ZNF536: variants seen among roughly 807,000 people sequenced by gnomAD.
The protein encoded by ZNF536 is zinc finger protein 536.
ZNF536 carries 13 observed loss-of-function variants against 84.5 expected under a neutral mutation model. The observed-to-expected ratio is 0.15, with a 90% confidence interval of 0.10 to 0.24. The LOEUF is 0.24. Ranked by LOEUF, ZNF536 falls within the 10% of genes least tolerant of loss-of-function variation. The pLI is 1.00. For missense variants in ZNF536, 1,536 were observed against 1,747.5 expected (o/e 0.88, Z 2.16); for synonymous variants, 811 against 742.5 (o/e 1.09, Z -1.50).
intron 2 of ZNF536, among the ~76,000 whole-genome samples, chr19:30,455,886 T>C (rs1165838243): frequency 1.3e-5 from 2 of 152,360 alleles, no homozygotes; most frequent in Middle Eastern, 3.4e-3. Flanking sequence ...AGCCAAAAAG[T>C]ACATACTTCT....
intron 2 of ZNF536, among the ~76,000 whole-genome samples, chr19:30,331,640 A>G (rs2047215256): frequency 6.6e-6 from 1 of 151,498 alleles, no homozygotes; most frequent in African/African-American, 2.4e-5. Flanking sequence ...CTTTTCTTCC[A>G]CTTGACCTTA....
chr19:30,668,403 C>G (rs1463818559), intron 1 of ZNF536, among the ~76,000 whole-genome samples: 1 of 152,180 alleles, frequency 6.6e-6, no homozygotes, highest in Non-Finnish European at 1.5e-5. Flanking sequence ...CCAGGCCAGG[C>G]TACAGTTGCT....
chr19:30,464,329 G>T lies in ZNF536; in HGVS notation c.2170+18597G>T, dbSNP rs566922043. Among the ~76,000 whole-genome samples the T allele has an allele frequency of 4.6e-5, 7 of 152,292 alleles. 1 individual carries two copies. The highest frequency in any genetic ancestry group is 9.6e-5 in the African/African-American group (4 of 41,548). Reference sequence around the variant, plus strand: ...CCACACATTCTGCAGCCAGCTGGGGGTGTCGACCAGAGCCTGGGGACCAGA... The same window carrying T: ...CCACACATTCTGCAGCCAGCTGGGGTTGTCGACCAGAGCCTGGGGACCAGA... On this transcript the variant is annotated intron_variant, in intron 2 of 4. Coordinates refer to ENST00000355537, the MANE Select transcript of ZNF536 (RefSeq NM_014717.3).
intron 2 of ZNF536, among the ~76,000 whole-genome samples, chr19:30,479,662 C>T (rs1319450676): frequency 6.6e-6 from 1 of 152,222 alleles, no homozygotes; most frequent in Non-Finnish European, 1.5e-5. Flanking sequence ...TTGTTCCATT[C>T]ATGCCTGTTG....
intron 1 of ZNF536, among the ~76,000 whole-genome samples, chr19:30,633,825 C>T (rs1363701481): frequency 4.6e-5 from 7 of 152,138 alleles, no homozygotes; most frequent in Admixed American, 3.3e-4. Context: ...TCTCCTGCCT[C>T]GGCCTCCCAA....
chr19:30,274,966 C>T (rs966782796), intron 1 of ZNF536, among the ~76,000 whole-genome samples: 1 of 152,198 alleles, frequency 6.6e-6, no homozygotes, highest in African/African-American at 2.4e-5. Flanking sequence ...TATTAGAAAG[C>T]CTTTATAATT....
At chr19:30,466,177 C>T (rs962021584) in intron 2 of ZNF536, among the ~76,000 whole-genome samples, 2 of 150,210 alleles carry the variant, frequency 1.3e-5, no homozygotes, top group African/African-American at 2.4e-5. Context: ...GAGCAATGAT[C>T]GTTCCACTGC....
intron 1 of ZNF536, among the ~76,000 whole-genome samples, chr19:30,242,468 T>A (rs1364360816): frequency 6.6e-6 from 1 of 152,230 alleles, no homozygotes. Context: ...GGGTCCATCA[T>A]GAGTGTCACA....
At chr19:30,530,684 G>A (rs1191274691) in intron 2 of ZNF536, among the ~76,000 whole-genome samples, 4 of 152,108 alleles carry the variant, frequency 2.6e-5, no homozygotes, top group Admixed American at 2.6e-4. Flanking sequence ...TCCTGGAGTG[G>A]CTAGGAAAGG....
At chr19:30,307,250 C>A (rs964909989) in intron 2 of ZNF536, among the ~76,000 whole-genome samples, 2 of 152,026 alleles carry the variant, frequency 1.3e-5, no homozygotes, top group Non-Finnish European at 2.9e-5. Context: ...ACCTCCCCCC[C>A]CTTTTTTGAT....
At chr19:30,608,483 T>C (rs1032541243) in intron 1 of ZNF536, among the ~76,000 whole-genome samples, 3 of 152,188 alleles carry the variant, frequency 2.0e-5, no homozygotes, top group African/African-American at 7.2e-5. Flanking sequence ...ACCAGAACTT[T>C]AGCCTGGACT....
At chr19:30,242,439 C>T (rs1052672810) in intron 1 of ZNF536, among the ~76,000 whole-genome samples, 15 of 152,122 alleles carry the variant, frequency 9.9e-5, no homozygotes, top group Non-Finnish European at 2.2e-4. Flanking sequence ...TTGTGCTTCA[C>T]GCAGTCTAAA....
chr19:30,537,412 G>A (rs879751750), intron 3 of ZNF536, among the ~76,000 whole-genome samples: 4 of 152,174 alleles, frequency 2.6e-5, no homozygotes, highest in African/African-American at 7.2e-5. Context: ...GGCTAGGCAT[G>A]TCTTGTCTTG....
chr19:30,655,501 T>A (rs925470782), intron 1 of ZNF536, among the ~76,000 whole-genome samples: 3 of 152,138 alleles, frequency 2.0e-5, no homozygotes, highest in Non-Finnish European at 4.4e-5. Flanking sequence ...GAGGGTGAAC[T>A]CAGCCCTCAC....
At chr19:30,505,719 G>T (rs2055148449) in intron 2 of ZNF536, among the ~76,000 whole-genome samples, 1 of 152,130 alleles carries the variant, frequency 6.6e-6, no homozygotes, top group Non-Finnish European at 1.5e-5. Flanking sequence ...ATGCTGGAGT[G>T]CAGTGGCATG....
At chr19:30,541,809 G>A (rs1457726979) in intron 3 of ZNF536, among the ~76,000 whole-genome samples, 1 of 152,164 alleles carries the variant, frequency 6.6e-6, no homozygotes, top group Non-Finnish European at 1.5e-5. Context: ...GGGCTTCAGT[G>A]ACAGCAATTA....
intron 1 of ZNF536, among the ~76,000 whole-genome samples, chr19:30,252,234 A>G (rs933546096): frequency 6.6e-6 from 1 of 152,202 alleles, no homozygotes; most frequent in African/African-American, 2.4e-5. Context: ...GCAAATCAAA[A>G]CCGCAATGCA....
At chr19:30,506,828 A>G (rs1349971357) in intron 2 of ZNF536, among the ~76,000 whole-genome samples, 1 of 152,224 alleles carries the variant, frequency 6.6e-6, no homozygotes, top group Non-Finnish European at 1.5e-5. Flanking sequence ...ATGTGTGATC[A>G]TTGCAGAAGG....
chr19:30,331,446 G>A (rs1163212243), intron 2 of ZNF536, among the ~76,000 whole-genome samples: 1 of 151,854 alleles, frequency 6.6e-6, no homozygotes, highest in East Asian at 1.9e-4. Context: ...TGTTTGCCAA[G>A]TGACTTGAGG....
Sources: gnomAD v4.1 joint callset for allele counts (sites outside exome capture counted in the v4.1 genomes callset) on GRCh38, gnomAD v4.1.1 for gene constraint, MANE v1.5 for transcripts, NCBI Gene and HGNC (gene_info 2026-07-23, HGNC 2026-07-21) for gene names.